The following RGS20 variants were observed in gnomAD, a reference collection of about 807,000 sequenced individuals.
RGS20 encodes regulator of G protein signaling 20, also known as gz-selective GTPase-activating protein.
In RGS20, 30 loss-of-function variants were observed where a neutral mutation model predicts 33.6. That is an observed-to-expected ratio of 0.89 (90% CI 0.67 to 1.21). RGS20 has a LOEUF of 1.21. RGS20 is among the 50% of genes most tolerant of loss of function. The pLI is 0.00. For synonymous variants in RGS20, 208 were observed against 197.9 expected (o/e 1.05, Z -0.43); for missense variants, 472 against 502.4 (o/e 0.94, Z 0.58).
At chr8:53,897,694 G>A (rs1812906737) in intron 2 of RGS20, among the ~76,000 whole-genome samples, 1 of 152,092 alleles carries the variant, frequency 6.6e-6, no homozygotes, top group Non-Finnish European at 1.5e-5. Context: ...TGGACCTGCT[G>A]CCCCGTCGAT....
At chr8:53,859,750 T>C (rs966704070) in intron 1 of RGS20, among the ~76,000 whole-genome samples, 1 of 152,144 alleles carries the variant, frequency 6.6e-6, no homozygotes, top group Non-Finnish European at 1.5e-5. Context: ...CTCACAATCA[T>C]GGTGGAAGGC....
intron 1 of RGS20, among the ~76,000 whole-genome samples, chr8:53,868,483 C>T (rs1367953325): frequency 6.6e-6 from 1 of 151,950 alleles, no homozygotes; most frequent in South Asian, 2.1e-4. Context: ...GTTTACTCAT[C>T]GAATAGCTGG....
intron 2 of RGS20, among the ~76,000 whole-genome samples, chr8:53,927,852 T>C (rs2129288060): frequency 6.6e-6 from 1 of 152,386 alleles, no homozygotes; most frequent in East Asian, 1.9e-4. Flanking sequence ...CCTATACCGA[T>C]GTCTGAAAAG....
At chr8:53,906,672 C>T (rs1334591870) in intron 2 of RGS20, among the ~76,000 whole-genome samples, 2 of 152,132 alleles carry the variant, frequency 1.3e-5, no homozygotes, top group Non-Finnish European at 2.9e-5. Context: ...CCTGGAATAT[C>T]GCAGTGCTTT....
At chr8:53,952,244 ATTTTTTTTTTT>A (rs993312770) in intron 4 of RGS20, among the ~76,000 whole-genome samples, 22 of 88,240 alleles carry the variant, frequency 2.5e-4, no homozygotes, top group Non-Finnish European at 1.7e-4. Context: ...TGCCCAGCTA[ATTTTTTTTTTT>A]TTTTTTTTTT....
At chr8:53,935,061 A>G (rs1361118065) in intron 2 of RGS20, among the ~76,000 whole-genome samples, 3 of 152,234 alleles carry the variant, frequency 2.0e-5, no homozygotes, top group Admixed American at 6.5e-5. Context: ...TTTGAAACCA[A>G]TGAGAACAAA....
intron 2 of RGS20, among the ~76,000 whole-genome samples, chr8:53,914,508 A>G (rs1322070610): frequency 2.0e-5 from 3 of 152,148 alleles, no homozygotes; most frequent in African/African-American, 7.2e-5. Context: ...TGTGCACTAG[A>G]TAATCTTAGT....
chr8:53,880,579 G>C (rs1435115151), intron 2 of RGS20, among the ~76,000 whole-genome samples: 1 of 152,230 alleles, frequency 6.6e-6, no homozygotes, highest in African/African-American at 2.4e-5. Flanking sequence ...CGAGGTCCGA[G>C]CACGCAGTCC....
chr8:53,876,115 A>G (rs1379709605), intron 1 of RGS20: 3 of 152,262 alleles, frequency 2.0e-5, no homozygotes, highest in Non-Finnish European at 4.4e-5. Flanking sequence ...AAAGTTCAGG[A>G]GAAAATAGGT....
intron 2 of RGS20, among the ~76,000 whole-genome samples, chr8:53,936,471 C>T (rs1056706538): frequency 6.6e-6 from 1 of 151,986 alleles, no homozygotes; most frequent in Admixed American, 6.6e-5. Context: ...AAAAAGAGAG[C>T]CAAATCATGA....
chr8:53,866,175 T>C (rs1390253626), intron 1 of RGS20, among the ~76,000 whole-genome samples: 1 of 152,012 alleles, frequency 6.6e-6, no homozygotes, highest in East Asian at 1.9e-4. Context: ...GGAATGAGAA[T>C]GAACAAGGAA....
intron 5 of RGS20, 49 bp from the exon 5 acceptor site, chr8:53,958,221 A>G: frequency 7.5e-7 from 1 of 1,327,076 alleles, no homozygotes; most frequent in Non-Finnish European, 1.0e-6. Context: ...TTTGGGATAG[A>G]GATACAACTG....
intron 1 of RGS20, among the ~76,000 whole-genome samples, chr8:53,875,256 A>G (rs576461137): frequency 6.6e-6 from 1 of 152,020 alleles, no homozygotes; most frequent in Admixed American, 6.6e-5. Context: ...ACATGGTGAA[A>G]CCCCATCTCT....
chr8:53,957,700 C>A (rs1814909952), intron 5 of RGS20, among the ~76,000 whole-genome samples: 2 of 152,238 alleles, frequency 1.3e-5, no homozygotes, highest in South Asian at 4.1e-4. Context: ...GCCCCTACAC[C>A]TACTGAGTCT....
At chr8:53,890,156 A>G (rs1326226717) in intron 2 of RGS20, among the ~76,000 whole-genome samples, 3 of 151,810 alleles carry the variant, frequency 2.0e-5, no homozygotes, top group Non-Finnish European at 4.4e-5. Flanking sequence ...TTCATTTCGC[A>G]TATCTTTCTG....
chr8:53,905,447 A>G (rs1813138077), intron 2 of RGS20, among the ~76,000 whole-genome samples: 1 of 152,220 alleles, frequency 6.6e-6, no homozygotes, highest in Non-Finnish European at 1.5e-5. Context: ...CTCTTCATTA[A>G]TATTTCATGA....
chr8:53,916,944 G>A (rs1233076838), intron 2 of RGS20, among the ~76,000 whole-genome samples: 1 of 151,996 alleles, frequency 6.6e-6, no homozygotes, highest in Non-Finnish European at 1.5e-5. Flanking sequence ...ATAAGGACAC[G>A]AATCCCTTTC....
chr8:53,881,030 C>A (rs1253842466), intron 2 of RGS20: 3 of 1,583,046 alleles, frequency 1.9e-6, no homozygotes, highest in Non-Finnish European at 2.6e-6. Flanking sequence ...GCACGGCGGA[C>A]GGAGGCGAGC....
chr8:53,855,307 C>T (rs931901367), intron 1 of RGS20, among the ~76,000 whole-genome samples: 3 of 152,262 alleles, frequency 2.0e-5, no homozygotes, highest in South Asian at 2.1e-4. Context: ...ACAAGTGATC[C>T]GCCCACCTCG....
Sources: allele counts gnomAD v4.1 joint callset (sites outside exome capture counted in the v4.1 genomes callset), GRCh38; gene constraint gnomAD v4.1.1; transcripts MANE v1.5; gene names NCBI Gene and HGNC (gene_info 2026-07-23, HGNC 2026-07-21).